Variants in MYH3 observed in about 807,000 individuals in gnomAD.
The protein encoded by MYH3 is myosin-3.
In MYH3, 130 loss-of-function variants were observed where a neutral mutation model predicts 238.0. The observed-to-expected ratio is 0.55, with a 90% CI of 0.47 to 0.63. The LOEUF is 0.63. Among genes scored for constraint, MYH3 ranks in the 30% least tolerant of loss-of-function variants. MYH3 has a pLI of 0.00. For synonymous variants in MYH3, 880 were observed against 924.1 expected, an observed-to-expected ratio of 0.95 and a Z score of 0.86; for missense variants, 1,853 against 2,374.9, an observed-to-expected ratio of 0.78 and a Z score of 4.57.
intron 2 of MYH3, among the ~76,000 whole-genome samples, chr17:10,655,540 G>A (rs1316765305): frequency 2.0e-5 from 3 of 152,238 alleles, no homozygotes; most frequent in African/African-American, 7.2e-5. Context: ...CTACACGCTC[G>A]TATGCGGGAA....
the MYH3 span, chr17:10,676,621 C>G: frequency 6.6e-6 from 1 of 152,014 alleles, no homozygotes. Context: ...GGTTAAATAC[C>G]CACATCAATG....
chr17:10,677,668 G>C, the MYH3 span: 2 of 152,318 alleles, frequency 1.3e-5, no homozygotes, highest in African/African-American at 4.8e-5. Context: ...TGAACAGCCA[G>C]ACACATGAAT....
chr17:10,630,552 C>G, intron 36 of MYH3, 94 bp from the exon 37 acceptor site: 4 of 1,580,310 alleles, frequency 2.5e-6, no homozygotes, highest in Non-Finnish European at 3.5e-6. Flanking sequence ...AGAGACCATG[C>G]TAAAGAAAAA....
chr17:10,651,691 G>A (rs200370961), intron 4 of MYH3, 23 bp from the exon 5 acceptor site: 124 of 1,611,532 alleles, frequency 7.7e-5, no homozygotes, highest in Non-Finnish European at 1.0e-4. Context: ...AAACATATAC[G>A]TGCGTATATG....
chr17:10,651,883 A>G, intron 4 of MYH3: 1 of 594,780 alleles, frequency 1.7e-6, no homozygotes, highest in Admixed American at 3.2e-5. Flanking sequence ...AGCTGGGACT[A>G]CAGGTACATG....
chr17:10,652,911 G>A (rs538392141), intron 3 of MYH3, among the ~76,000 whole-genome samples: 15 of 152,002 alleles, frequency 9.9e-5, no homozygotes, highest in East Asian at 1.9e-4. Flanking sequence ...GTGAGGCACC[G>A]TGCCTGGCCT....
intron 5 of MYH3, among the ~76,000 whole-genome samples, chr17:10,650,909 C>G (rs371783215): frequency 4.6e-5 from 7 of 152,260 alleles, no homozygotes; most frequent in African/African-American, 1.7e-4. Context: ...CCAGTGGCAG[C>G]CGGGTGCAGT....
chr17:10,658,293 G>A (rs897965749), upstream of MYH3, among the ~76,000 whole-genome samples: 3 of 152,152 alleles, frequency 2.0e-5, no homozygotes, highest in Admixed American at 6.5e-5. Flanking sequence ...GGATGGCTGG[G>A]TGGGCACCCT....
At chr17:10,657,030 C>T (rs1047503905) in intron 1 of MYH3, among the ~76,000 whole-genome samples, 1 of 152,138 alleles carries the variant, frequency 6.6e-6, no homozygotes, top group African/African-American at 2.4e-5. Flanking sequence ...GAGAGGAGGA[C>T]AGGGGAGAGT....
At chr17:10,648,688 T>A (rs1301984459) in intron 7 of MYH3, 39 bp from the exon 8 acceptor site, 2 of 1,564,278 alleles carry the variant, frequency 1.3e-6, no homozygotes, top group Non-Finnish European at 1.8e-6. Context: ...GAAACATTTT[T>A]TTTTGAGATG....
Position 10,642,737 on chromosome 17 carries a change from A to G in MYH3, c.1582-14T>C. 3 of 1,614,204 alleles carry G rather than the reference A, an allele frequency of 1.9e-6. No individual in the cohort carries two copies. Among genetic ancestry groups the G allele is most frequent in the Non-Finnish European group, 8.5e-7 (1 of 1,180,046 alleles). ...GATGCCCATAGGCTGGATTGAAGGC[A>G]AGGCAAAGTGCAGAGAGGTAAATAT... On this transcript the variant is annotated splice_polypyrimidine_tract_variant and intron_variant, in intron 15 of 40. Transcript: ENST00000583535. This position sits in a 1 kb window ranked among gnomAD's most constrained non-coding sequence, Gnocchi z 5.4.
In MYH3 at chr17:10,654,244, T is replaced by C. The variant is rs3815006; in HGVS notation, c.204+617A>G. On this transcript the variant is annotated intron_variant, in intron 3 of 40. Transcript: ENST00000583535. This position sits in a 1 kb window ranked among gnomAD's most constrained non-coding sequence, Gnocchi z 4.5. ...ATCTCTCTTTCACTCTTTCTTTCTT[T>C]TTTCCTTTTTTTGCTTTTTACTTTT... Among the ~76,000 whole-genome samples the C allele has an allele frequency of 0.57, 86,531 of 150,730 alleles. 27,658 individuals carry two copies. The highest frequency in any genetic ancestry group is 0.73 in the Non-Finnish European group (49,756 of 67,828).
chr17:10,648,592 C>A lies in MYH3; in HGVS notation c.700G>T (p.Ala234Ser). The A allele has an allele frequency of 6.2e-7, 1 of 1,614,048 alleles. No homozygotes were observed. Among genetic ancestry groups the A allele is most frequent in the South Asian group, 1.1e-5 (1 of 91,086 alleles). ...ANPLLEAFGN[A>S]KTVRNDNSSR... is the part of the protein sequence containing the mutation. ...GAGTTGTCATTCCTCACAGTCTTGGCGTTCCCAAAGGCCTCCAGCAGGGGA... is the reference window on the plus strand; with the variant it reads ...GAGTTGTCATTCCTCACAGTCTTGGAGTTCCCAAAGGCCTCCAGCAGGGGA... The change falls in exon 8 of 41, where the codon GCC becomes TCC. Residue 234 changes from alanine to serine, a missense_variant. Ala to Ser is a moderately conservative substitution (Grantham distance 99). Around this residue, in one of 3 missense-constraint regions of MYH3, gnomAD observed 678 missense variants for 1,058.9 expected, o/e 0.64. Transcript: ENST00000583535.
chr17:10,635,964 A>G, intron 28 of MYH3, 111 bp from the exon 29 acceptor site: 3 of 932,022 alleles, frequency 3.2e-6, no homozygotes, highest in East Asian at 4.9e-5. Context: ...AAATGATAAG[A>G]TATGGTTTCT....
In MYH3 at chr17:10,649,571, C is replaced by A; in HGVS notation, c.642+6G>T. On this transcript the variant is annotated splice_donor_region_variant and intron_variant, in intron 7 of 40. Coordinates refer to ENST00000583535, the MANE Select transcript of MYH3 (RefSeq NM_002470.4). ...AGCAAAGCAAGCCTTCCTCTCCCAT[C>A]TATACCTTCATTTTGGAGTCCTTCT... is the stretch of plus-strand genomic sequence containing the variant. 4 of 1,609,304 alleles carry A rather than the reference C, an allele frequency of 2.5e-6. No individual in the cohort carries two copies. The highest frequency in any genetic ancestry group is 3.4e-6 in the Non-Finnish European group (4 of 1,175,514).
Position 10,647,261 on chromosome 17 carries a change from T to C in MYH3, c.819A>G (p.Arg273=). The stretch of plus-strand genomic sequence containing the variant: ...TTTCAGCCTTCAGCTGGAAAGTGAC[T>C]CTTGATTTTTCCAGAAGATCTGGAA... ...DIETYLLEKS[R]VTFQLKAERS... Residue 273 remains arginine (R), a synonymous_variant, in exon 10 of 41, where the codon AGA becomes AGG. Transcript: ENST00000583535. The C allele has an allele frequency of 1.9e-6, 3 of 1,614,178 alleles. No individual in the cohort carries two copies. Among genetic ancestry groups the C allele is most frequent in the Non-Finnish European group, 2.5e-6 (3 of 1,180,018 alleles).
chr17:10,661,866 G>A (rs906786568), upstream of MYH3, among the ~76,000 whole-genome samples: 13 of 152,124 alleles, frequency 8.5e-5, no homozygotes, highest in Admixed American at 3.9e-4. Context: ...CGGTTATCCT[G>A]AGCCAAGACC....
intron 33 of MYH3, among the ~76,000 whole-genome samples, 169 bp from the exon 34 acceptor site, chr17:10,632,953 T>TTTGG (rs2074179907): frequency 2.6e-5 from 4 of 152,246 alleles, no homozygotes; most frequent in Non-Finnish European, 4.4e-5. Context: ...GGTTCACACC[T>TTTGG]GTAATCCCAG....
chr17:10,644,194 C>T (rs535619727), intron 14 of MYH3, among the ~76,000 whole-genome samples, 157 bp downstream of exon 14: 1 of 152,086 alleles, frequency 6.6e-6, no homozygotes, highest in East Asian at 1.9e-4. Context: ...AATACAAACC[C>T]TTCCAATAAG....
Sources: gnomAD v4.1 joint callset for allele counts (sites outside exome capture counted in the v4.1 genomes callset) on GRCh38, gnomAD v4.1.1 for gene constraint, gnomAD v4.1.1 regional missense constraint, Gnocchi (gnomAD v3.1) non-coding constraint, MANE v1.5 for transcripts, NCBI Gene and HGNC (gene_info 2026-07-23, HGNC 2026-07-21) for gene names.